PTPRD: variants seen among roughly 807,000 people sequenced by gnomAD.
The protein encoded by PTPRD is receptor-type tyrosine-protein phosphatase delta.
A neutral mutation model predicts 214.5 loss-of-function variants in PTPRD; 34 were observed. The ratio of observed to expected loss-of-function variants is 0.16; its 90% CI spans 0.12 to 0.21. The LOEUF (loss-of-function observed/expected upper bound fraction) is 0.21, where lower values mean the gene tolerates loss of function less well. Ranked by LOEUF, PTPRD falls within the 10% of genes least tolerant of loss-of-function variation. The pLI is 1.00. For missense variants in PTPRD, 2,545 were observed against 2,398.7 expected (o/e 1.06, Z -1.27); for synonymous variants, 1,128 against 845.7 (o/e 1.33, Z -5.79).
At chr9:10,148,129 GAGA>G (rs2099036503) in intron 3 of PTPRD, among the ~76,000 whole-genome samples, 1 of 152,136 alleles carries the variant, frequency 6.6e-6, no homozygotes, top group Non-Finnish European at 1.5e-5. Context: ...ACATGGCTAT[GAGA>G]CAGCTATACA....
At chr9:10,476,509 A>G (rs555662081) in intron 2 of PTPRD, among the ~76,000 whole-genome samples, 2 of 152,216 alleles carry the variant, frequency 1.3e-5, no homozygotes, top group South Asian at 4.1e-4. Flanking sequence ...AATGGAAAAA[A>G]CATTCCATAC....
chr9:8,359,037 G>GGCGGA (rs2077687706), intron 39 of PTPRD, among the ~76,000 whole-genome samples: 1 of 135,574 alleles, frequency 7.4e-6, no homozygotes, highest in Non-Finnish European at 1.5e-5. Context: ...GAACCTGGGA[G>GGCGGA]GCGGAGCTTG....
At chr9:10,214,877 G>A (rs2099534270) in intron 3 of PTPRD, among the ~76,000 whole-genome samples, 1 of 151,980 alleles carries the variant, frequency 6.6e-6, no homozygotes, top group African/African-American at 2.4e-5. Flanking sequence ...ACATGAATGG[G>A]CCCTGAATCC....
At chr9:9,377,465 T>A (rs909809786) in intron 9 of PTPRD, among the ~76,000 whole-genome samples, 11 of 152,178 alleles carry the variant, frequency 7.2e-5, no homozygotes, top group Admixed American at 5.9e-4. Flanking sequence ...GAACTTAGTA[T>A]GTGCTAAGTC....
chr9:8,448,197 G>A (rs1052871677), intron 34 of PTPRD, among the ~76,000 whole-genome samples: 9 of 152,030 alleles, frequency 5.9e-5, no homozygotes, highest in Non-Finnish European at 7.4e-5. Flanking sequence ...ATGTGGTGGC[G>A]TGCCCCAGTA....
At chr9:9,199,358 G>A (rs2099940534) in intron 9 of PTPRD, among the ~76,000 whole-genome samples, 2 of 152,194 alleles carry the variant, frequency 1.3e-5, no homozygotes, top group Admixed American at 6.5e-5. Flanking sequence ...CCTGTTAGAT[G>A]CCTTAAGTAA....
At chr9:8,676,766 G>T (rs1437594415) in intron 12 of PTPRD, among the ~76,000 whole-genome samples, 1 of 152,128 alleles carries the variant, frequency 6.6e-6, no homozygotes, top group East Asian at 1.9e-4. Context: ...TAGAGACAGG[G>T]TTTCTCCATT....
At chr9:8,353,272 C>A (rs965970550) in intron 39 of PTPRD, among the ~76,000 whole-genome samples, 3 of 152,164 alleles carry the variant, frequency 2.0e-5, no homozygotes, top group African/African-American at 7.2e-5. Context: ...TCAATACAAT[C>A]AGTTTATGAT....
At chr9:8,415,299 C>G (rs1006852151) in intron 35 of PTPRD, among the ~76,000 whole-genome samples, 2 of 152,102 alleles carry the variant, frequency 1.3e-5, no homozygotes, top group Admixed American at 6.6e-5. Context: ...ATTGCTTTTT[C>G]CTCCTTCTAA....
chr9:10,293,938 C>T (rs528552544), intron 3 of PTPRD, among the ~76,000 whole-genome samples: 3 of 151,898 alleles, frequency 2.0e-5, no homozygotes, highest in African/African-American at 7.2e-5. Flanking sequence ...TGTGGTTGCT[C>T]AGTAATATGC....
intron 11 of PTPRD, among the ~76,000 whole-genome samples, chr9:9,014,217 G>T: frequency 7.2e-6 from 1 of 138,670 alleles, no homozygotes; most frequent in South Asian, 2.3e-4. Flanking sequence ...TTTTTTTCTG[G>T]AAGCATTTAT....
At chr9:8,990,689 G>A (rs895812316) in intron 11 of PTPRD, among the ~76,000 whole-genome samples, 2 of 152,102 alleles carry the variant, frequency 1.3e-5, no homozygotes, top group Non-Finnish European at 2.9e-5. Flanking sequence ...TGTAGGAGAT[G>A]GCCATAAAGA....
chr9:8,814,547 C>T (rs1435741784), intron 11 of PTPRD, among the ~76,000 whole-genome samples: 1 of 152,086 alleles, frequency 6.6e-6, no homozygotes, highest in East Asian at 1.9e-4. Flanking sequence ...ATACCTGAGG[C>T]GGAAACCCTA....
chr9:9,755,785 A>G lies in PTPRD; in HGVS notation c.-326+11025T>C, dbSNP rs569157246. The stretch of plus-strand genomic sequence containing the variant: ...CTCTCATTTTGGTAAAAATTCATTT[A>G]GACTTACTTACTCATTGTCAAATAT... On this transcript the variant is annotated intron_variant, in intron 6 of 45. Transcript: ENST00000381196. 6.6e-5 allele frequency among the ~76,000 whole-genome samples: 10 copies of G among 152,188 alleles called. No homozygotes were observed. In the South Asian group the frequency reaches 2.1e-3, roughly 31 times the overall value.
At chr9:9,513,602 TA>T (rs2096763053) in intron 8 of PTPRD, among the ~76,000 whole-genome samples, 1 of 28,242 alleles carries the variant, frequency 3.5e-5, no homozygotes. Flanking sequence ...AAAAAACAAA[TA>T]AAAAATCTCA....
chr9:9,805,479 G>A (rs1280114128), intron 5 of PTPRD, among the ~76,000 whole-genome samples: 1 of 152,148 alleles, frequency 6.6e-6, no homozygotes, highest in African/African-American at 2.4e-5. Flanking sequence ...GCTCAGTTAA[G>A]TGGAAAACAG....
chr9:8,530,960 G>A (rs987602975), intron 14 of PTPRD, among the ~76,000 whole-genome samples: 2 of 152,036 alleles, frequency 1.3e-5, no homozygotes, highest in African/African-American at 2.4e-5. Flanking sequence ...AAGAAGCTGA[G>A]GCAAGTTTGA....
Position 8,449,847 on chromosome 9 carries a change from G to A in PTPRD, c.3876-10C>T, listed in dbSNP as rs963106970. ...GGACTCTGCCCTCTTCCTATAGGGG[G>A]AAAATAGAAATTTAAGAAGAAAAGA... On this transcript the variant is annotated splice_polypyrimidine_tract_variant and intron_variant, in intron 33 of 45. Coordinates refer to ENST00000381196, the MANE Select transcript of PTPRD (RefSeq NM_002839.4). The A allele has an allele frequency of 6.2e-7, 1 of 1,608,958 alleles. No individual in the cohort carries two copies. The highest frequency in any genetic ancestry group is 8.5e-7 in the Non-Finnish European group (1 of 1,176,562).
At chr9:9,989,363 C>G (rs1339506129) in intron 4 of PTPRD, among the ~76,000 whole-genome samples, 1 of 152,092 alleles carries the variant, frequency 6.6e-6, no homozygotes, top group East Asian at 1.9e-4. Context: ...CCCATAAAAA[C>G]CCCAAGCTCC....
Sources: gnomAD v4.1 joint callset for allele counts (sites outside exome capture counted in the v4.1 genomes callset) on GRCh38, gnomAD v4.1.1 for gene constraint, MANE v1.5 for transcripts, NCBI Gene and HGNC (gene_info 2026-07-23, HGNC 2026-07-21) for gene names.